Variants in TNFAIP3 observed in about 807,000 individuals in gnomAD.
TNFAIP3 encodes the protein TNF alpha induced protein 3.
A neutral mutation model predicts 72.4 loss-of-function variants in TNFAIP3; 9 were observed. The ratio of observed to expected loss-of-function variants is 0.12; its 90% confidence interval spans 0.07 to 0.22. The LOEUF is 0.22. Among genes scored for constraint, TNFAIP3 ranks in the 10% least tolerant of loss-of-function variants. The pLI is 1.00. For synonymous variants in TNFAIP3, 339 were observed against 372.6 expected (o/e 0.91, Z 1.04); for missense variants, 833 against 1,018.7 (o/e 0.82, Z 2.48).
rs748312513 is a variant in TNFAIP3 at position 137,879,156 on chromosome 6, G to C, written c.1711G>C (p.Val571Leu). 5.0e-6 allele frequency: 8 copies of C among 1,613,878 alleles called. No homozygotes were observed. In the South Asian group the frequency reaches 7.7e-5, roughly 16 times the overall value. ...TTCCAAGTCAGATCCCTCGCGGCTC[G>C]TCCGGAGCCCCTCCCCGCATTCTTG... ...QRSKSDPSRLVRSPSPHSCHR... is the reference protein window; with the variant it reads ...QRSKSDPSRLLRSPSPHSCHR... The change falls in exon 7 of 9, where the codon GTC (valine) becomes CTC (leucine). Residue 571 changes from valine (V) to leucine (L), a missense_variant. Physicochemically the swap from Val to Leu is conservative, Grantham distance 32 (BLOSUM62 1). Coordinates refer to ENST00000612899, the MANE Select transcript of TNFAIP3 (RefSeq NM_001270508.2).
rs767086093 is a variant in TNFAIP3 at position 137,878,652 on chromosome 6, T to C, written c.1207T>C (p.Leu403=). 12 of 1,614,164 alleles carry C rather than the reference T, an allele frequency of 7.4e-6. No individual in the cohort carries two copies. Among genetic ancestry groups the C allele is most frequent in the Non-Finnish European group, 1.0e-5 (12 of 1,180,028 alleles). The change falls in exon 7 of 9, where the codon TTA becomes CTA. Residue 403 remains leucine, a synonymous_variant. Transcript: ENST00000612899. The part of the protein sequence containing the change: ...PFFMSVNTQP[L]CHECSERRQK... ...CTTCATGTCTGTGAACACCCAGCCTTTATGCCATGAGTGCTCAGAGAGGCG... is the reference window on the plus strand; with the variant it reads ...CTTCATGTCTGTGAACACCCAGCCTCTATGCCATGAGTGCTCAGAGAGGCG...
rs372907230 is a variant in TNFAIP3, at chr6:137,872,536, A to G, written c.295+1014A>G. ...AATTAACTTCATTCAAAAGCCAAGT[A>G]CATTAACTTTGGCTTTTTTTGACTT... is the stretch of plus-strand genomic sequence containing the variant. On this transcript the variant is annotated intron_variant, in intron 2 of 8. Coordinates refer to ENST00000612899, the MANE Select transcript of TNFAIP3 (RefSeq NM_001270508.2). Among the ~76,000 whole-genome samples, 59 of 152,358 alleles carry G rather than the reference A, an allele frequency of 3.9e-4. 6 individuals are homozygous for G. Among genetic ancestry groups the G allele is most frequent in the Admixed American group, 2.2e-3 (34 of 15,302 alleles).
chr6:137,877,060 T>G lies in TNFAIP3; in HGVS notation c.806-16T>G, dbSNP rs1204315033. The G allele has an allele frequency of 6.4e-6, 10 of 1,571,136 alleles. No individual in the cohort carries two copies. The highest frequency in any genetic ancestry group is 7.8e-6 in the Non-Finnish European group (9 of 1,158,026). ...AGTAGAATACTGTTTTACTTATGTA[T>G]TATTTTTTTCCTTAGAAATCCGAGC... On this transcript the variant is annotated splice_polypyrimidine_tract_variant and intron_variant, in intron 5 of 8. Coordinates refer to ENST00000612899, the MANE Select transcript of TNFAIP3 (RefSeq NM_001270508.2).
Position 137,879,002 on chromosome 6 carries a change from G to GAAGT in TNFAIP3, c.1558_1561dup (p.Cys521Ter). 1 of 1,614,220 alleles carries GAAGT rather than the reference G, an allele frequency of 6.2e-7. No individual in the cohort carries two copies. The highest frequency in any genetic ancestry group is 8.5e-7 in the Non-Finnish European group (1 of 1,180,038). ...ACCACACAAGGCACTTGGATCCCGG[G>GAAGT]AAGTGCCAAGCCTGCCTCCAGGATG... On this transcript the variant is annotated frameshift_variant, in exon 7 of 9. Coordinates refer to ENST00000612899, the MANE Select transcript of TNFAIP3 (RefSeq NM_001270508.2). LOFTEE classifies it high-confidence loss of function.
rs751928111 is a variant in TNFAIP3, at chr6:137,878,760, C to G, written c.1315C>G (p.Arg439Gly). The change falls in exon 7 of 9, where the codon CGG (arginine) becomes GGG (glycine). Residue 439 changes from arginine (R) to glycine (G), a missense_variant. By Grantham distance (125) the Arg-to-Gly change is moderately radical. Coordinates refer to ENST00000612899, the MANE Select transcript of TNFAIP3 (RefSeq NM_001270508.2). ...GLPGMALGAS[R>G]GEAYEPLAWN... ...CCCTGGCATGGCGCTCGGGGCCTCTCGGGGAGAAGCCTATGAGCCCTTGGC... is the reference window on the plus strand; with the variant it reads ...CCCTGGCATGGCGCTCGGGGCCTCTGGGGGAGAAGCCTATGAGCCCTTGGC... The G allele has an allele frequency of 5.0e-6, 8 of 1,613,950 alleles. No individual in the cohort carries two copies. Among genetic ancestry groups the G allele is most frequent in the Non-Finnish European group, 6.8e-6 (8 of 1,180,022 alleles).
chr6:137,876,952 GT>G (rs1368388051), intron 5 of TNFAIP3, 123 bp from the exon 6 acceptor site: 42 of 764,514 alleles, frequency 5.5e-5, no homozygotes, highest in Non-Finnish European at 7.4e-5. Context: ...GGGTTTAACT[GT>G]GGCTAAGAAT....
Position 137,871,552 on chromosome 6 carries a change from C to T in TNFAIP3, c.295+30C>T. 6.2e-7 allele frequency: 1 copy of T among 1,603,682 alleles called. No individual in the cohort carries two copies. Among genetic ancestry groups the T allele is most frequent in the Non-Finnish European group, 8.5e-7 (1 of 1,173,602 alleles). ...GACTTGTTCTGTTGTGTTTCTTTTGCCTGGGTGATAGCTCCCGCCTGCTGG... is the reference window on the plus strand; with the variant it reads ...GACTTGTTCTGTTGTGTTTCTTTTGTCTGGGTGATAGCTCCCGCCTGCTGG... On this transcript the variant is annotated intron_variant, in intron 2 of 8. Coordinates refer to ENST00000612899, the MANE Select transcript of TNFAIP3 (RefSeq NM_001270508.2). The surrounding 1 kb of genome is among the most constrained non-coding windows in gnomAD (Gnocchi z 4.2).
intron 2 of TNFAIP3, among the ~76,000 whole-genome samples, chr6:137,872,571 A>G (rs1015510301): frequency 6.6e-6 from 1 of 152,218 alleles, no homozygotes; most frequent in Non-Finnish European, 1.5e-5. Context: ...TGGGTAACTT[A>G]GAGTGATTGG....
At chr6:137,874,723 A>G in intron 2 of TNFAIP3, 122 bp from the exon 3 acceptor site, 1 of 913,046 alleles carries the variant, frequency 1.1e-6, no homozygotes, top group East Asian at 2.8e-5. Flanking sequence ...AGGAAATTAC[A>G]TCAAATTAAA....
chr6:137,877,089 T>C lies in TNFAIP3; in HGVS notation c.819T>C (p.Val273=). 1 of 1,604,200 alleles carries C rather than the reference T, an allele frequency of 6.2e-7. No homozygotes were observed. Among genetic ancestry groups the C allele is most frequent in the African/African-American group, 1.3e-5 (1 of 74,508 alleles). The change falls in exon 6 of 9, where the codon GTT becomes GTC. Residue 273 remains valine (V), a synonymous_variant. Coordinates refer to ENST00000612899, the MANE Select transcript of TNFAIP3 (RefSeq NM_001270508.2). ...TTTTTTCCTTAGAAATCCGAGCTGTTCCACTTGTTAACAGAGACCGGGGAA... is the reference window on the plus strand; with the variant it reads ...TTTTTTCCTTAGAAATCCGAGCTGTCCCACTTGTTAACAGAGACCGGGGAA... ...LKDSGPEIRA[V]PLVNRDRGRF...
intron 8 of TNFAIP3, among the ~76,000 whole-genome samples, 178 bp from the exon 9 acceptor site, chr6:137,880,857 G>A (rs1160897310): frequency 6.6e-6 from 1 of 152,116 alleles, no homozygotes; most frequent in Non-Finnish European, 1.5e-5. Context: ...AGACTGGAAA[G>A]AAACATCCTT....
intron 1 of TNFAIP3, among the ~76,000 whole-genome samples, chr6:137,868,953 A>G (rs1775940491): frequency 6.9e-6 from 1 of 145,020 alleles, no homozygotes; most frequent in Admixed American, 7.1e-5. Flanking sequence ...ATCTTTGGTG[A>G]AAAATCTTTA....
rs886113499 is a variant in TNFAIP3, at chr6:137,882,866, G to GA, written c.*1559dup. 0.027 allele frequency: 4,992 copies of GA among 184,862 alleles called. No individual in the cohort carries two copies. Among genetic ancestry groups the GA allele is most frequent in the Middle Eastern group, 0.052 (30 of 582 alleles). 11.5% of individuals were successfully genotyped at this position (184,862 alleles called of 1,614,324 possible). A position where few individuals can be genotyped will look rare whatever the true frequency, so the allele number is the denominator to read the frequency against. On this transcript the variant is annotated 3_prime_UTR_variant, in exon 9 of 9. Transcript: ENST00000612899. ...GGTTGCTGTCATATTTGCTCTAGAA[G>GA]AAAAAAAAAAAAGGAGGGGAAATGC...
At chr6:137,869,396 CGGAT>C (rs1775976904) in intron 1 of TNFAIP3, among the ~76,000 whole-genome samples, 1 of 138,788 alleles carries the variant, frequency 7.2e-6, no homozygotes, top group African/African-American at 2.7e-5. Flanking sequence ...GACGGACGGA[CGGAT>C]AGATGATATT....
At chr6:137,870,864 G>A (rs565574228) in intron 1 of TNFAIP3, among the ~76,000 whole-genome samples, 2 of 152,260 alleles carry the variant, frequency 1.3e-5, no homozygotes, top group Admixed American at 6.5e-5. Context: ...AGAATGAAAC[G>A]GGAGCTTAAG....
rs138988092 is a variant in TNFAIP3 at position 137,871,261 on chromosome 6, T to C, written c.34T>C (p.Leu12=). 38 of 1,614,070 alleles carry C rather than the reference T, an allele frequency of 2.4e-5. No homozygotes were observed. The East Asian group carries it at 6.9e-4, about 29-fold the overall frequency. Residue 12 remains leucine (L), a synonymous_variant, in exon 2 of 9, where the codon TTG becomes CTG. Coordinates refer to ENST00000612899, the MANE Select transcript of TNFAIP3 (RefSeq NM_001270508.2). This position sits in a 1 kb window ranked among gnomAD's most constrained non-coding sequence, Gnocchi z 4.2. The part of the protein sequence containing the change: ...AEQVLPQALY[L]SNMRKAVKIR... ...ACAAGTCCTTCCTCAGGCTTTGTAT[T>C]TGAGCAATATGCGGAAAGCTGTGAA...
chr6:137,869,045 C>A (rs1010344976), intron 1 of TNFAIP3, among the ~76,000 whole-genome samples: 11 of 152,198 alleles, frequency 7.2e-5, no homozygotes, highest in Non-Finnish European at 1.5e-4. Context: ...TACTGCCCAT[C>A]TCTTTCCATC....
Position 137,871,146 on chromosome 6 carries a change from A to G in TNFAIP3, c.-15-67A>G. 6.9e-7 allele frequency: 1 copy of G among 1,442,334 alleles called. No homozygotes were observed. The highest frequency in any genetic ancestry group is 1.4e-5 in the African/African-American group (1 of 70,264). 89.3% of individuals were successfully genotyped at this position (1,442,334 alleles called of 1,614,324 possible). A position where few individuals can be genotyped will look rare whatever the true frequency, so the allele number is the denominator to read the frequency against. On this transcript the variant is annotated intron_variant, in intron 1 of 8. Transcript: ENST00000612899. The surrounding 1 kb of genome is among the most constrained non-coding windows in gnomAD (Gnocchi z 4.2). Reference sequence around the variant, plus strand: ...TCAAACACTGGGGTTTCCTGCAGGCAGCTATAGAGGAGTCGTATTAAAGTC... The same window carrying G: ...TCAAACACTGGGGTTTCCTGCAGGCGGCTATAGAGGAGTCGTATTAAAGTC...
chr6:137,876,410 A>G (rs945183144), intron 5 of TNFAIP3: 1 of 406,628 alleles, frequency 2.5e-6, no homozygotes, highest in African/African-American at 2.1e-5. Context: ...TGCTCTTAAT[A>G]CAGTGCCTGG....
Sources: gnomAD v4.1 joint callset for allele counts (sites outside exome capture counted in the v4.1 genomes callset) on GRCh38, gnomAD v4.1.1 for gene constraint, Gnocchi (gnomAD v3.1) non-coding constraint, MANE v1.5 for transcripts, NCBI Gene and HGNC (gene_info 2026-07-23, HGNC 2026-07-21) for gene names.